CFDP1: variants seen among roughly 807,000 people sequenced by gnomAD.
CFDP1 encodes chromatin remodeling protein CFDP1, also known as heterochromatin-stabilizing protein CFDP1.
In CFDP1, 31 loss-of-function variants were observed where a neutral mutation model predicts 40.1. The observed-to-expected ratio is 0.77, with a 90% CI of 0.58 to 1.04. The LOEUF is 1.04. Among genes scored for constraint, CFDP1 ranks in the 50% least tolerant of loss-of-function variants. The pLI is 0.00. For missense variants in CFDP1, 423 were observed against 343.4 expected, an observed-to-expected ratio of 1.23 and a Z score of -1.83; for synonymous variants, 167 against 120.0, an observed-to-expected ratio of 1.39 and a Z score of -2.56.
intron 4 of CFDP1, among the ~76,000 whole-genome samples, chr16:75,401,184 T>C (rs1388634143): frequency 1.3e-5 from 2 of 151,926 alleles, no homozygotes; most frequent in Admixed American, 1.3e-4. Context: ...ATCCCAGCAC[T>C]TTGGGAGGCC....
At chr16:75,328,979 T>C (rs999020914) in intron 5 of CFDP1, among the ~76,000 whole-genome samples, 14 of 151,962 alleles carry the variant, frequency 9.2e-5, no homozygotes, top group Non-Finnish European at 1.6e-4. Flanking sequence ...CCCGAGCAGC[T>C]GGGACTACAG....
chr16:75,347,373 A>AAAAGAG (rs2078576708), intron 5 of CFDP1, among the ~76,000 whole-genome samples: 2 of 150,030 alleles, frequency 1.3e-5, no homozygotes, highest in Non-Finnish European at 3.0e-5. Context: ...AAGAAAAAGA[A>AAAAGAG]AAAGAAAAAG....
intron 5 of CFDP1, among the ~76,000 whole-genome samples, chr16:75,335,221 A>G (rs1343995297): frequency 6.6e-6 from 1 of 152,220 alleles, no homozygotes; most frequent in Admixed American, 6.5e-5. Context: ...TTGATTTACA[A>G]TTACGTGTTT....
chr16:75,391,252 C>G (rs2078947721), intron 5 of CFDP1: 1 of 152,194 alleles, frequency 6.6e-6, no homozygotes, highest in African/African-American at 2.4e-5. Context: ...ACTGTGTTAG[C>G]TGAAACTAAC....
intron 1 of CFDP1, among the ~76,000 whole-genome samples, chr16:75,415,454 AG>A (rs1465041090): frequency 2.0e-5 from 3 of 152,172 alleles, no homozygotes; most frequent in Non-Finnish European, 2.9e-5. Flanking sequence ...TTGCATAACC[AG>A]GGCCCCAGCT....
intron 4 of CFDP1, among the ~76,000 whole-genome samples, chr16:75,395,923 A>G (rs2078992334): frequency 6.9e-6 from 1 of 145,488 alleles, no homozygotes; most frequent in Admixed American, 7.3e-5. Flanking sequence ...GAATTCAGAT[A>G]AAGAGAGAAG....
chr16:75,433,151 T>C (rs1245059296), intron 1 of CFDP1, 138 bp downstream of exon 1: 2 of 764,316 alleles, frequency 2.6e-6, no homozygotes, highest in Non-Finnish European at 4.2e-6. Flanking sequence ...ATGAGGGGCC[T>C]GAGGGAGCGG....
intron 5 of CFDP1, among the ~76,000 whole-genome samples, chr16:75,313,005 T>G (rs1254751032): frequency 6.6e-6 from 1 of 152,204 alleles, no homozygotes; most frequent in Non-Finnish European, 1.5e-5. Context: ...CTGGGCAGTC[T>G]CAGTACTAGC....
intron 5 of CFDP1, among the ~76,000 whole-genome samples, chr16:75,335,799 G>A (rs1428450574): frequency 4.6e-5 from 7 of 151,882 alleles, no homozygotes; most frequent in African/African-American, 9.7e-5. Context: ...CTTGTGATCC[G>A]CCCGCCTCGG....
intron 5 of CFDP1, chr16:75,391,428 G>C (rs1045699441): frequency 1.3e-5 from 2 of 152,180 alleles, no homozygotes; most frequent in African/African-American, 2.4e-5. Context: ...ACGTTGTCTA[G>C]AGCAGTATTT....
At chr16:75,357,589 A>C (rs2078653146) in intron 5 of CFDP1, among the ~76,000 whole-genome samples, 1 of 152,172 alleles carries the variant, frequency 6.6e-6, no homozygotes, top group Non-Finnish European at 1.5e-5. Flanking sequence ...TCTCATGAAC[A>C]ACCTCTGCTA....
At chr16:75,411,537 A>G (rs928101278) in intron 4 of CFDP1, among the ~76,000 whole-genome samples, 1 of 152,218 alleles carries the variant, frequency 6.6e-6, no homozygotes, top group African/African-American at 2.4e-5. Flanking sequence ...ATGACTTACC[A>G]AAAGTCACAA....
chr16:75,328,842 C>T (rs1279490994), intron 5 of CFDP1, among the ~76,000 whole-genome samples: 7 of 146,678 alleles, frequency 4.8e-5, no homozygotes, highest in African/African-American at 1.5e-4. Flanking sequence ...CCATGCTCAG[C>T]GAATTTTTTT....
rs1019490736 is a variant in CFDP1 at position 75,418,104 on chromosome 16, T to C, written c.65-3409A>G. Reference sequence around the variant, plus strand: ...CCCCATCTCTACTAAAAATACAAAATTAGCTGGGTGTGGTGATGCATGCCT... The same window carrying C: ...CCCCATCTCTACTAAAAATACAAAACTAGCTGGGTGTGGTGATGCATGCCT... On this transcript the variant is annotated intron_variant, in intron 1 of 6. Coordinates refer to ENST00000283882, the MANE Select transcript of CFDP1 (RefSeq NM_006324.3). Among the ~76,000 whole-genome samples, 4 of 151,518 alleles carry C rather than the reference T, an allele frequency of 2.6e-5. No individual in the cohort carries two copies. In the East Asian group the frequency reaches 7.8e-4, roughly 30 times the overall value.
Position 75,412,547 on chromosome 16 carries a change from A to G in CFDP1, c.390T>C (p.Ser130=). 6.2e-7 allele frequency: 1 copy of G among 1,613,734 alleles called. No homozygotes were observed. Among genetic ancestry groups the G allele is most frequent in the East Asian group, 2.2e-5 (1 of 44,882 alleles). The change falls in exon 3 of 7, where the codon AGT becomes AGC. Residue 130 remains serine (S), a synonymous_variant. Coordinates refer to ENST00000283882, the MANE Select transcript of CFDP1 (RefSeq NM_006324.3). ...TGTCTCAACTTACCTTAACTTGTGT[A>G]CTTGGGGGCACTTTTGATTTTGGTC... ...DVGPKSKVPP[S]TQVKKGEETE...
chr16:75,333,770 T>G (rs759426541), intron 5 of CFDP1, among the ~76,000 whole-genome samples: 1 of 152,280 alleles, frequency 6.6e-6, no homozygotes, highest in Non-Finnish European at 1.5e-5. Flanking sequence ...ACCAGAAAGT[T>G]GTTACTGTTT....
At chr16:75,395,839 T>G (rs62059844) in intron 4 of CFDP1, among the ~76,000 whole-genome samples, 1 of 151,016 alleles carries the variant, frequency 6.6e-6, no homozygotes, top group African/African-American at 2.4e-5. Flanking sequence ...TTTTGTCTAA[T>G]TTCAAATCTG....
intron 4 of CFDP1, 79 bp downstream of exon 4, chr16:75,411,746 G>A: frequency 7.5e-7 from 1 of 1,337,880 alleles, no homozygotes; most frequent in Non-Finnish European, 1.0e-6. Flanking sequence ...TTGAAAAGAG[G>A]ATAGATGGCT....
intron 5 of CFDP1, among the ~76,000 whole-genome samples, chr16:75,368,688 CTTTT>C (rs1045797020): frequency 7.0e-6 from 1 of 143,322 alleles, no homozygotes; most frequent in Non-Finnish European, 1.5e-5. Flanking sequence ...TATTTTCTTT[CTTTT>C]TTTTTTTTAG....
Sources: gnomAD v4.1 joint callset for allele counts (sites outside exome capture counted in the v4.1 genomes callset) on GRCh38, gnomAD v4.1.1 for gene constraint, MANE v1.5 for transcripts, NCBI Gene and HGNC (gene_info 2026-07-23, HGNC 2026-07-21) for gene names.